WDR47: variants seen among roughly 807,000 people sequenced by gnomAD.
WDR47 encodes the protein WD repeat domain 47, also known as WD repeat-containing protein 47.
A neutral mutation model predicts 97.2 loss-of-function variants in WDR47; 32 were observed. The ratio of observed to expected loss-of-function variants is 0.33; its 90% CI spans 0.25 to 0.44. The LOEUF (loss-of-function observed/expected upper bound fraction) is 0.44. Among genes scored for constraint, WDR47 ranks in the 20% least tolerant of loss-of-function variants. WDR47 has a pLI of 1.00. For synonymous variants in WDR47, 375 were observed against 373.5 expected (o/e 1.00, Z -0.05); for missense variants, 782 against 1,102.3 (o/e 0.71, Z 4.11).
intron 5 of WDR47, among the ~76,000 whole-genome samples, chr1:109,008,763 A>G (rs915622396): frequency 6.6e-6 from 1 of 151,626 alleles, no homozygotes; most frequent in Non-Finnish European, 1.5e-5. Context: ...CCGTGCCACC[A>G]CACCCAACTA....
intron 1 of WDR47, chr1:109,025,032 GT>G (rs1262139746): frequency 2.6e-5 from 4 of 152,164 alleles, no homozygotes; most frequent in Non-Finnish European, 5.9e-5. Flanking sequence ...AGGCCCACAG[GT>G]TAGTGTTGTT....
chr1:109,036,537 A>AG (rs1259009812), intron 1 of WDR47, among the ~76,000 whole-genome samples: 1 of 142,408 alleles, frequency 7.0e-6, no homozygotes, highest in East Asian at 2.1e-4. Context: ...TCCGTCTCAA[A>AG]AAAAAAAAAA....
intron 1 of WDR47, among the ~76,000 whole-genome samples, chr1:109,034,317 C>T (rs1278899748): frequency 6.6e-6 from 1 of 152,096 alleles, no homozygotes; most frequent in Non-Finnish European, 1.5e-5. Flanking sequence ...GTAGACTACC[C>T]AATTCCAATT....
At chr1:108,997,531 C>T (rs1018923295) in intron 7 of WDR47, among the ~76,000 whole-genome samples, 43 of 151,490 alleles carry the variant, frequency 2.8e-4, no homozygotes, top group Admixed American at 2.6e-3. Context: ...CCGAGGCGGG[C>T]GGATCACGAG....
At chr1:108,999,660 C>T (rs551814109) in intron 7 of WDR47, among the ~76,000 whole-genome samples, 2 of 150,056 alleles carry the variant, frequency 1.3e-5, no homozygotes, top group East Asian at 2.0e-4. Context: ...GGCAACAGAG[C>T]GAGACCCTGT....
intron 3 of WDR47, among the ~76,000 whole-genome samples, chr1:109,016,753 T>C (rs1209397007): frequency 1.3e-5 from 2 of 151,524 alleles, no homozygotes; most frequent in Admixed American, 6.6e-5. Flanking sequence ...GAAGCTGAAA[T>C]GTGCAGATTA....
intron 14 of WDR47, 75 bp downstream of exon 14, chr1:108,974,461 C>T: frequency 8.5e-7 from 1 of 1,169,928 alleles, no homozygotes; most frequent in Non-Finnish European, 1.2e-6. Flanking sequence ...TAATCAACCA[C>T]ATCACATTAA....
intron 1 of WDR47, among the ~76,000 whole-genome samples, chr1:109,028,864 C>T (rs910256565): frequency 7.2e-5 from 11 of 151,996 alleles, no homozygotes; most frequent in East Asian, 3.9e-4. Context: ...TACAGTTCAA[C>T]GGTAATAAAT....
At chr1:109,014,477 C>G (rs1246834890) in intron 3 of WDR47, among the ~76,000 whole-genome samples, 2 of 151,612 alleles carry the variant, frequency 1.3e-5, no homozygotes, top group Admixed American at 1.3e-4. Flanking sequence ...CTCTGTCACC[C>G]AAGCTGGAGT....
At chr1:108,999,931 G>A (rs925975155) in intron 7 of WDR47, among the ~76,000 whole-genome samples, 1 of 152,032 alleles carries the variant, frequency 6.6e-6, no homozygotes, top group African/African-American at 2.4e-5. Context: ...ACCAGAAATG[G>A]CAATTCATCA....
chr1:108,982,882 G>A lies in WDR47; in HGVS notation c.2096-103C>T, dbSNP rs531292067. On this transcript the variant is annotated intron_variant, in intron 11 of 14. Transcript: ENST00000369962. ...AAAACTGGTCAAGAATAATGGTTTAGAAATATGGTTTGTATTTTCATTTAG... is the reference window on the plus strand; with the variant it reads ...AAAACTGGTCAAGAATAATGGTTTAAAAATATGGTTTGTATTTTCATTTAG... The A allele has an allele frequency of 4.4e-5, 55 of 1,264,218 alleles. No individual in the cohort carries two copies. In the Admixed American group the frequency reaches 5.9e-4, roughly 14 times the overall value. 78.3% of individuals were successfully genotyped at this position (1,264,218 alleles called of 1,614,324 possible).
At chr1:109,038,353 G>A (rs138348645) in intron 1 of WDR47, among the ~76,000 whole-genome samples, 6,378 of 152,188 alleles carry the variant, frequency 0.042, 189 homozygotes, top group Non-Finnish European at 0.058. Context: ...TTTGGAATAA[G>A]CTTACTTATT....
intron 1 of WDR47, among the ~76,000 whole-genome samples, chr1:109,032,035 A>G (rs1473391596): frequency 7.3e-6 from 1 of 137,838 alleles, no homozygotes; most frequent in Admixed American, 7.9e-5. Flanking sequence ...CCTAGGCTAC[A>G]GATATCTGCC....
chr1:109,006,389 G>A (rs999181385), intron 5 of WDR47, among the ~76,000 whole-genome samples: 7 of 152,090 alleles, frequency 4.6e-5, no homozygotes, highest in East Asian at 3.9e-4. Flanking sequence ...GCTAGACTCC[G>A]TTTCAAAAAC....
At chr1:108,971,646 T>TGTAATGTC in intron 14 of WDR47, 74 bp from the exon 15 acceptor site, 1 of 1,521,656 alleles carries the variant, frequency 6.6e-7, no homozygotes, top group Non-Finnish European at 9.0e-7. Flanking sequence ...TTCCTGTTAC[T>TGTAATGTC]TTAAGACATT....
chr1:109,013,992 T>A, intron 3 of WDR47, 67 bp from the exon 4 acceptor site: 1 of 1,184,606 alleles, frequency 8.4e-7, no homozygotes, highest in Non-Finnish European at 1.2e-6. Context: ...GAAGTTACTA[T>A]GTAAGTACTT....
At chr1:109,025,902 A>T (rs1337311505) in intron 1 of WDR47, among the ~76,000 whole-genome samples, 3 of 152,088 alleles carry the variant, frequency 2.0e-5, no homozygotes, top group African/African-American at 7.2e-5. Context: ...GTAAATCACA[A>T]ACTTATCTCC....
chr1:109,014,439 T>TA (rs1278715570), intron 3 of WDR47, among the ~76,000 whole-genome samples: 3 of 146,996 alleles, frequency 2.0e-5, no homozygotes, highest in African/African-American at 7.4e-5. Flanking sequence ...TTCCTTTTCT[T>TA]TTTTTTTTTT....
chr1:109,010,578 A>ATT (rs199821610), intron 5 of WDR47, among the ~76,000 whole-genome samples: 49 of 101,704 alleles, frequency 4.8e-4, no homozygotes, highest in African/African-American at 1.3e-3. Context: ...AGATTTCCTA[A>ATT]TTTTTTTTTT....
Sources: allele counts gnomAD v4.1 joint callset (sites outside exome capture counted in the v4.1 genomes callset), GRCh38; gene constraint gnomAD v4.1.1; transcripts MANE v1.5; gene names NCBI Gene and HGNC (gene_info 2026-07-23, HGNC 2026-07-21).